Variants in DACH2 observed in about 807,000 individuals in gnomAD.
DACH2 encodes the protein dachshund family transcription factor 2.
In DACH2, 17 loss-of-function variants were observed where a neutral mutation model predicts 35.8. The ratio of observed to expected loss-of-function variants is 0.48; its 90% confidence interval spans 0.33 to 0.71. DACH2 has a LOEUF of 0.71. Ranked by LOEUF, DACH2 falls within the 30% of genes least tolerant of loss-of-function variation. The pLI, the probability that DACH2 is intolerant of heterozygous loss-of-function variation, is 0.02. For missense variants in DACH2, 469 were observed against 472.7 expected, an observed-to-expected ratio of 0.99 and a Z score of 0.07; for synonymous variants, 195 against 177.3, an observed-to-expected ratio of 1.10 and a Z score of -0.79.
At chrX:86,461,434 G>A (rs942667060) in intron 2 of DACH2, among the ~76,000 whole-genome samples, 1 of 111,126 alleles carries the variant, frequency 9.0e-6, no homozygotes, top group Non-Finnish European at 1.9e-5. Flanking sequence ...TACCACCAAC[G>A]TTTGGAAGAA....
intron 4 of DACH2, among the ~76,000 whole-genome samples, chrX:86,694,115 G>T (rs1021824786): frequency 7.1e-5 from 8 of 111,946 alleles, no homozygotes; most frequent in Non-Finnish European, 1.5e-4. Context: ...GAGTGCTAAT[G>T]TTGCAGTCCC....
chrX:86,630,158 C>T (rs2040183686), intron 3 of DACH2, among the ~76,000 whole-genome samples: 1 of 109,517 alleles, frequency 9.1e-6, no homozygotes, highest in Non-Finnish European at 1.9e-5. Flanking sequence ...CATTTTATGC[C>T]TCTTTTGGAA....
chrX:86,430,488 G>A (rs2036968089), intron 2 of DACH2, among the ~76,000 whole-genome samples: 1 of 112,533 alleles, frequency 8.9e-6, no homozygotes, highest in Admixed American at 9.4e-5. Flanking sequence ...AAAATTAGAT[G>A]TGTTACCGAC....
At chrX:86,541,222 A>G (rs2038876369) in intron 3 of DACH2, among the ~76,000 whole-genome samples, 1 of 112,041 alleles carries the variant, frequency 8.9e-6, no homozygotes, top group Admixed American at 9.5e-5. Flanking sequence ...ATTGTTACTC[A>G]ATGGTTTCAG....
intron 3 of DACH2, among the ~76,000 whole-genome samples, chrX:86,604,579 A>G (rs140082793): frequency 0.037 from 4,095 of 111,604 alleles, 184 homozygotes; most frequent in African/African-American, 0.13. Context: ...GCAAAATTCT[A>G]AAGATTTCCC....
At chrX:86,462,503 T>A (rs748760649) in intron 2 of DACH2, among the ~76,000 whole-genome samples, 1 of 111,845 alleles carries the variant, frequency 8.9e-6, no homozygotes, top group Non-Finnish European at 1.9e-5. Flanking sequence ...GTACATACAT[T>A]GTTCATCTAA....
intron 3 of DACH2, among the ~76,000 whole-genome samples, chrX:86,612,396 C>A (rs1040937276): frequency 2.7e-5 from 3 of 110,645 alleles, no homozygotes; most frequent in Admixed American, 9.7e-5. Flanking sequence ...TGGCTCTAAG[C>A]TCAGCACAGC....
intron 1 of DACH2, among the ~76,000 whole-genome samples, chrX:86,278,587 C>A (rs755424607): frequency 4.4e-4 from 50 of 112,421 alleles, no homozygotes; most frequent in Non-Finnish European, 8.1e-4. Flanking sequence ...TTTAAAAATT[C>A]ACTGTGCAAA....
intron 10 of DACH2, 77 bp downstream of exon 10, chrX:86,814,911 A>G: frequency 9.7e-7 from 1 of 1,026,503 alleles, no homozygotes; most frequent in Non-Finnish European, 1.3e-6. Flanking sequence ...GAAGGAATAA[A>G]AAGAGAGGAA....
chrX:86,547,177 A>G (rs1450400719), intron 3 of DACH2, among the ~76,000 whole-genome samples: 2 of 111,430 alleles, frequency 1.8e-5, no homozygotes, highest in Admixed American at 1.9e-4. Context: ...TGTCAGAGAG[A>G]ATCCCGATTA....
At chrX:86,508,431 G>A (rs1180600055) in intron 2 of DACH2, among the ~76,000 whole-genome samples, 1 of 109,358 alleles carries the variant, frequency 9.1e-6, no homozygotes, top group Non-Finnish European at 1.9e-5. Context: ...GTGGTGGGGC[G>A]TGCCTATAGT....
chrX:86,305,070 G>A, intron 1 of DACH2: 1 of 152,293 alleles, frequency 6.6e-6, no homozygotes, highest in Non-Finnish European at 1.5e-5. Flanking sequence ...GTATTGGCTG[G>A]TCATCACCCT....
intron 2 of DACH2, among the ~76,000 whole-genome samples, chrX:86,425,497 T>G (rs2036878087): frequency 9.0e-6 from 1 of 111,254 alleles, no homozygotes; most frequent in Non-Finnish European, 1.9e-5. Flanking sequence ...CTAATGATCC[T>G]TTGAGTTTCT....
intron 3 of DACH2, among the ~76,000 whole-genome samples, chrX:86,586,677 G>A (rs1327069885): frequency 9.0e-6 from 1 of 111,560 alleles, no homozygotes; most frequent in Non-Finnish European, 1.9e-5. Flanking sequence ...TTATTGAATA[G>A]GGAGTCCTTT....
intron 1 of DACH2, among the ~76,000 whole-genome samples, chrX:86,256,218 A>G (rs2033516445): frequency 9.0e-6 from 1 of 111,581 alleles, no homozygotes; most frequent in Non-Finnish European, 1.9e-5. Context: ...TAATTGATCT[A>G]TATATTAATT....
chrX:86,532,640 T>A (rs2038739322), intron 3 of DACH2, among the ~76,000 whole-genome samples: 1 of 111,428 alleles, frequency 9.0e-6, no homozygotes, highest in Admixed American at 9.5e-5. Context: ...AATTACCCAG[T>A]CTCAAGTAGT....
At chrX:86,328,819 T>C in intron 1 of DACH2, among the ~76,000 whole-genome samples, 1 of 111,612 alleles carries the variant, frequency 9.0e-6, no homozygotes, top group Admixed American at 9.6e-5. Flanking sequence ...AGGACAGCAA[T>C]CTGAAAAGGT....
intron 4 of DACH2, among the ~76,000 whole-genome samples, chrX:86,657,871 T>A (rs1180088517): frequency 9.0e-6 from 1 of 111,333 alleles, no homozygotes; most frequent in East Asian, 2.8e-4. Context: ...GGTGTTAATA[T>A]GTTTATCTAT....
At chrX:86,286,223 G>T (rs781445802) in intron 1 of DACH2, among the ~76,000 whole-genome samples, 2 of 92,245 alleles carry the variant, frequency 2.2e-5, no homozygotes, top group Admixed American at 2.7e-4. Flanking sequence ...CGCTTCCCGG[G>T]TTCACGCCAT....
Sources: gnomAD v4.1 joint callset for allele counts (sites outside exome capture counted in the v4.1 genomes callset) on GRCh38, gnomAD v4.1.1 for gene constraint, MANE v1.5 for transcripts, NCBI Gene and HGNC (gene_info 2026-07-23, HGNC 2026-07-21) for gene names.